RANBP9: variants seen among roughly 807,000 people sequenced by gnomAD.
The protein encoded by RANBP9 is ran-binding protein 9.
A neutral mutation model predicts 84.3 loss-of-function variants in RANBP9; 15 were observed. The ratio of observed to expected loss-of-function variants is 0.18; its 90% CI spans 0.12 to 0.27. RANBP9 has a LOEUF of 0.27. RANBP9 is among the 10% of genes least tolerant of loss of function. The pLI is 1.00. For synonymous variants in RANBP9, 392 were observed against 349.6 expected (o/e 1.12, Z -1.35); for missense variants, 809 against 912.8 (o/e 0.89, Z 1.46).
chr6:13,674,700 A>G (rs1475189869), intron 2 of RANBP9, among the ~76,000 whole-genome samples: 2 of 152,192 alleles, frequency 1.3e-5, no homozygotes, highest in Non-Finnish European at 2.9e-5. Context: ...CAGCTGACCA[A>G]TCATTACCTC....
At position 13,667,123 on chromosome 6, in the gene RANBP9, A is replaced by C. The variant is rs547628011; in HGVS notation, c.684-8291T>G. Among the ~76,000 whole-genome samples the C allele has an allele frequency of 1.3e-4, 20 of 152,340 alleles. No homozygotes were observed. The South Asian group carries it at 4.1e-3, about 32-fold the overall frequency. ...AGCAATGAACATGAAGATTTTTCAG[A>C]TCAATATGTCAACGTAGATCATCAC... On this transcript the variant is annotated intron_variant, in intron 2 of 13. Transcript: ENST00000011619.
intron 2 of RANBP9, among the ~76,000 whole-genome samples, chr6:13,666,740 G>A (rs1765659027): frequency 6.6e-6 from 1 of 151,784 alleles, no homozygotes; most frequent in Non-Finnish European, 1.5e-5. Flanking sequence ...TCCAGTCTGG[G>A]TGACAGAGGC....
intron 2 of RANBP9, among the ~76,000 whole-genome samples, chr6:13,670,590 A>C (rs1584933809): frequency 6.6e-6 from 1 of 152,042 alleles, no homozygotes; most frequent in African/African-American, 2.4e-5. Context: ...AGGTCAGGAG[A>C]TCGAGACCAT....
Position 13,637,941 on chromosome 6 carries a change from T to C in RANBP9, c.1540A>G (p.Ser514Gly), listed in dbSNP as rs1241619095. ...GCTTTATTTGATATTACACCATTAC[T>C]ACAACTTTCAAAACCTGAAGAAAAA... The part of the protein sequence containing the change: ...TAHFSGFESC[S>G]NGVISNKAHQ... The change falls in exon 10 of 14, where the codon AGT (serine) becomes GGT (glycine). Residue 514 changes from serine (S) to glycine (G), a missense_variant. Ser to Gly is a moderately conservative substitution (Grantham distance 56, BLOSUM62 0). This residue lies in a region of RANBP9 where 216 missense variants were observed against 329.0 expected (regional missense o/e 0.66). Coordinates refer to ENST00000011619, the MANE Select transcript of RANBP9 (RefSeq NM_005493.3). The C allele has an allele frequency of 6.3e-7, 1 of 1,595,882 alleles. No individual in the cohort carries two copies. Among genetic ancestry groups the C allele is most frequent in the Non-Finnish European group, 8.5e-7 (1 of 1,174,146 alleles).
rs1340419495 is a variant in RANBP9, at chr6:13,659,242, C to CCA, written c.684-412_684-411dup. ...AAGGGACACAGTACAAATTTAGACC[C>CCA]CACACACACACACATACACACACAC... On this transcript the variant is annotated intron_variant, in intron 2 of 13. Coordinates refer to ENST00000011619, the MANE Select transcript of RANBP9 (RefSeq NM_005493.3). 2.9e-3 allele frequency among the ~76,000 whole-genome samples: 303 copies of CCA among 105,832 alleles called. 1 individual carries two copies. Among genetic ancestry groups the CCA allele is most frequent in the South Asian group, 0.016 (50 of 3,190 alleles). 69.4% of individuals were successfully genotyped at this position (105,832 alleles called of 152,430 possible).
At chr6:13,624,758 G>A (rs1469791950) in intron 13 of RANBP9, among the ~76,000 whole-genome samples, 2 of 152,112 alleles carry the variant, frequency 1.3e-5, no homozygotes, top group Non-Finnish European at 2.9e-5. Flanking sequence ...GCTAAGCCTC[G>A]CCTTTTAAAT....
chr6:13,705,755 G>A (rs1344299614), intron 1 of RANBP9, among the ~76,000 whole-genome samples: 1 of 151,412 alleles, frequency 6.6e-6, no homozygotes, highest in Admixed American at 6.6e-5. Flanking sequence ...CCCAGCTACT[G>A]GGGAGGCTGA....
chr6:13,680,330 T>C (rs1390662540), intron 2 of RANBP9, among the ~76,000 whole-genome samples: 2 of 152,030 alleles, frequency 1.3e-5, no homozygotes, highest in African/African-American at 2.4e-5. Flanking sequence ...CACCAAGACA[T>C]AGTCAAGTAA....
chr6:13,632,506 T>A lies in RANBP9; in HGVS notation c.1811A>T (p.Gln604Leu), dbSNP rs528414487. ...TCCTCCACACAACTGGCGTCTCAAC[T>A]GACTTGAATCAACTTCTGTAAGAAA... Reference protein sequence around the residue: ...CDTEMEVDSSQLRRQLCGGSQ... With the variant: ...CDTEMEVDSSLLRRQLCGGSQ... The change falls in exon 12 of 14, where the codon CAG becomes CTG. Residue 604 changes from glutamine (Q) to leucine (L), a missense_variant. By Grantham distance (113) the Gln-to-Leu change is moderately radical. Around this residue, in one of 5 missense-constraint regions of RANBP9, gnomAD observed 233 missense variants for 234.4 expected, o/e 0.99. Coordinates refer to ENST00000011619, the MANE Select transcript of RANBP9 (RefSeq NM_005493.3). 9 of 1,613,438 alleles carry A rather than the reference T, an allele frequency of 5.6e-6. No homozygotes were observed. In the African/African-American group the frequency reaches 1.2e-4, roughly 22 times the overall value.
At chr6:13,673,523 T>G (rs1026624206) in intron 2 of RANBP9, among the ~76,000 whole-genome samples, 12 of 152,200 alleles carry the variant, frequency 7.9e-5, no homozygotes, top group Admixed American at 7.2e-4. Context: ...ATTGATCACA[T>G]AGATAAGTAT....
intron 13 of RANBP9, among the ~76,000 whole-genome samples, chr6:13,625,039 C>G (rs1312768631): frequency 6.6e-6 from 1 of 152,214 alleles, no homozygotes; most frequent in Non-Finnish European, 1.5e-5. Context: ...CTGCCCTCTA[C>G]TGGATCAGTT....
intron 2 of RANBP9, among the ~76,000 whole-genome samples, chr6:13,666,008 G>A (rs1173879302): frequency 6.6e-6 from 1 of 152,134 alleles, no homozygotes; most frequent in African/African-American, 2.4e-5. Flanking sequence ...GAACATTTCT[G>A]AGAATGATGA....
intron 2 of RANBP9, among the ~76,000 whole-genome samples, chr6:13,671,121 C>T (rs1765770494): frequency 6.6e-6 from 1 of 152,126 alleles, no homozygotes; most frequent in Admixed American, 6.6e-5. Context: ...ACTATGAGCT[C>T]TCATTTTACA....
intron 2 of RANBP9, among the ~76,000 whole-genome samples, chr6:13,663,008 G>A (rs539087276): frequency 1.3e-5 from 2 of 152,028 alleles, no homozygotes; most frequent in East Asian, 3.9e-4. Context: ...GAATAGGACA[G>A]AAAAGAAATT....
intron 2 of RANBP9, among the ~76,000 whole-genome samples, chr6:13,663,818 G>A (rs933240246): frequency 1.2e-4 from 18 of 152,028 alleles, no homozygotes; most frequent in African/African-American, 4.3e-4. Flanking sequence ...AATAGCTGCA[G>A]TGAAAACACC....
intron 11 of RANBP9, among the ~76,000 whole-genome samples, chr6:13,634,008 T>G (rs146556625): frequency 1.3e-5 from 2 of 151,952 alleles, no homozygotes. Context: ...GGGATAGTAC[T>G]ATGCAAAGTC....
intron 12 of RANBP9, among the ~76,000 whole-genome samples, chr6:13,627,160 G>T (rs1365819973): frequency 6.6e-6 from 1 of 152,160 alleles, no homozygotes; most frequent in Non-Finnish European, 1.5e-5. Flanking sequence ...GGTACAGGAA[G>T]ATAATTCATA....
intron 2 of RANBP9, among the ~76,000 whole-genome samples, chr6:13,686,110 CCCCCCG>C (rs1225857536): frequency 0.31 from 1,219 of 3,926 alleles, 136 homozygotes; most frequent in South Asian, 0.38. Context: ...TCCCCCCCCC[CCCCCCG>C]CCCCCCGAAA....
At position 13,639,118 on chromosome 6, in the gene RANBP9, C is replaced by T. The variant is rs535764217; in HGVS notation, c.1525+445G>A. On this transcript the variant is annotated intron_variant, in intron 9 of 13. Coordinates refer to ENST00000011619, the MANE Select transcript of RANBP9 (RefSeq NM_005493.3). ...GTACTGAGAACATGTCAATCTGAAC[C>T]TACAATTTTTCACCCAGAAAAATCT... Among the ~76,000 whole-genome samples, 3 of 152,288 alleles carry T rather than the reference C, an allele frequency of 2.0e-5. 1 individual carries two copies. In the East Asian group the frequency reaches 5.8e-4, roughly 29 times the overall value.
Sources: gnomAD v4.1 joint callset for allele counts (sites outside exome capture counted in the v4.1 genomes callset) on GRCh38, gnomAD v4.1.1 for gene constraint, gnomAD v4.1.1 regional missense constraint, MANE v1.5 for transcripts, NCBI Gene and HGNC (gene_info 2026-07-23, HGNC 2026-07-21) for gene names.